The following STAM variants were observed in gnomAD, a reference collection of about 807,000 sequenced individuals.
STAM encodes the protein signal transducing adaptor molecule.
In STAM, 16 loss-of-function variants were observed where a neutral mutation model predicts 63.4. The ratio of observed to expected loss-of-function variants is 0.25; its 90% CI spans 0.17 to 0.38. The LOEUF (loss-of-function observed/expected upper bound fraction) is 0.38, where lower values mean the gene tolerates loss of function less well. Among genes scored for constraint, STAM ranks in the 10% least tolerant of loss-of-function variants. The probability of loss-of-function intolerance (pLI) is 1.00; values close to 1 mark genes in which losing one functional copy is unlikely to be tolerated. For synonymous variants in STAM, 238 were observed against 223.9 expected (o/e 1.06, Z -0.56); for missense variants, 636 against 657.1 (o/e 0.97, Z 0.35).
intron 1 of STAM, among the ~76,000 whole-genome samples, chr10:17,650,402 A>T (rs962979655): frequency 2.0e-5 from 3 of 152,240 alleles, no homozygotes; most frequent in African/African-American, 4.8e-5. Flanking sequence ...ATAGGCTTCA[A>T]ATATCTCAAG....
At chr10:17,673,673 C>A (rs61842298) in intron 2 of STAM, among the ~76,000 whole-genome samples, 15,127 of 152,210 alleles carry the variant, frequency 0.099, 806 homozygotes, top group Middle Eastern at 0.16. Flanking sequence ...GAGAAAAACC[C>A]CGCAAACCAA....
intron 1 of STAM, among the ~76,000 whole-genome samples, chr10:17,659,589 C>G (rs1834081908): frequency 6.6e-6 from 1 of 150,878 alleles, no homozygotes; most frequent in Admixed American, 6.6e-5. Context: ...CCACTTCAGC[C>G]TTCTCGGTAG....
chr10:17,673,176 G>T (rs907756036), intron 2 of STAM: 1 of 287,064 alleles, frequency 3.5e-6, no homozygotes, highest in Non-Finnish European at 5.2e-6. Context: ...ATTGCCACCC[G>T]TCTCTTCTCA....
intron 2 of STAM, among the ~76,000 whole-genome samples, chr10:17,680,286 A>G (rs1460781934): frequency 3.9e-5 from 6 of 152,166 alleles, no homozygotes; most frequent in African/African-American, 7.2e-5. Flanking sequence ...TCTAGTCCCC[A>G]TCTACCTCCA....
At chr10:17,664,099 A>G (rs1356153771) in intron 2 of STAM, among the ~76,000 whole-genome samples, 2 of 152,094 alleles carry the variant, frequency 1.3e-5, no homozygotes, top group Non-Finnish European at 2.9e-5. Context: ...ATTTACGTGT[A>G]CTTCCAAAAT....
intron 12 of STAM, among the ~76,000 whole-genome samples, chr10:17,708,194 T>C (rs920537933): frequency 1.3e-5 from 2 of 152,210 alleles, no homozygotes; most frequent in Non-Finnish European, 2.9e-5. Context: ...CTGGCGGCTT[T>C]AAATAAACTT....
At chr10:17,702,175 G>A (rs1219624759) in intron 9 of STAM, among the ~76,000 whole-genome samples, 1 of 152,080 alleles carries the variant, frequency 6.6e-6, no homozygotes, top group African/African-American at 2.4e-5. Flanking sequence ...AGTTAATGTT[G>A]TTTTGACCCT....
intron 2 of STAM, among the ~76,000 whole-genome samples, chr10:17,661,426 C>A (rs1238672812): frequency 6.6e-6 from 1 of 152,182 alleles, no homozygotes; most frequent in African/African-American, 2.4e-5. Flanking sequence ...TTCCCTGATT[C>A]ATTTTTTATT....
rs1836812328 is a variant in STAM, at chr10:17,716,288, A to C, written c.*1508A>C. On this transcript the variant is annotated 3_prime_UTR_variant, in exon 14 of 14. Coordinates refer to ENST00000377524, the MANE Select transcript of STAM (RefSeq NM_003473.4). Reference sequence around the variant, plus strand: ...TTGTTTATTTTCTTTTTGAGAGAAGATTAAATCTTTAGCCAGTAATCTTAA... The same window carrying C: ...TTGTTTATTTTCTTTTTGAGAGAAGCTTAAATCTTTAGCCAGTAATCTTAA... 6.6e-6 allele frequency among the ~76,000 whole-genome samples: 1 copy of C among 152,028 alleles called. No homozygotes were observed. The highest frequency in any genetic ancestry group is 2.4e-5 in the African/African-American group (1 of 41,432).
At chr10:17,705,846 T>C in intron 12 of STAM, 105 bp downstream of exon 12, 1 of 1,078,484 alleles carries the variant, frequency 9.3e-7, no homozygotes, top group South Asian at 1.7e-5. Flanking sequence ...GGCAAGAGGA[T>C]TGCTTGAGAC....
chr10:17,691,370 T>G (rs1254525401), intron 5 of STAM, among the ~76,000 whole-genome samples: 1 of 152,048 alleles, frequency 6.6e-6, no homozygotes, highest in African/African-American at 2.4e-5. Flanking sequence ...TACAAAAAAT[T>G]AGCCAGGCGT....
At chr10:17,678,007 C>T (rs782094943) in intron 2 of STAM, among the ~76,000 whole-genome samples, 2 of 152,092 alleles carry the variant, frequency 1.3e-5, no homozygotes, top group Non-Finnish European at 2.9e-5. Context: ...TCAAATTTAC[C>T]ATTTTAGAAT....
intron 1 of STAM, among the ~76,000 whole-genome samples, chr10:17,652,485 G>A (rs1467313295): frequency 1.3e-5 from 2 of 152,092 alleles, no homozygotes; most frequent in Non-Finnish European, 2.9e-5. Context: ...TATGTTCCTG[G>A]ATGTATCATT....
intron 1 of STAM, among the ~76,000 whole-genome samples, chr10:17,652,963 G>A (rs917109626): frequency 1.3e-5 from 2 of 152,142 alleles, no homozygotes; most frequent in Admixed American, 1.3e-4. Flanking sequence ...TTTCCTAGGA[G>A]ACAGCCTCTA....
chr10:17,646,432 A>G (rs1392847811), intron 1 of STAM, among the ~76,000 whole-genome samples: 1 of 152,166 alleles, frequency 6.6e-6, no homozygotes, highest in Non-Finnish European at 1.5e-5. Flanking sequence ...CCTTCTTACA[A>G]AATCCTCTAA....
At chr10:17,653,938 A>G (rs1235973703) in intron 1 of STAM, among the ~76,000 whole-genome samples, 4 of 152,288 alleles carry the variant, frequency 2.6e-5, no homozygotes, top group South Asian at 2.1e-4. Flanking sequence ...AGTACTTTCT[A>G]TGTGAGTTGC....
At chr10:17,686,230 T>G (rs1296281246) in intron 4 of STAM, among the ~76,000 whole-genome samples, 1 of 152,194 alleles carries the variant, frequency 6.6e-6, no homozygotes, top group Non-Finnish European at 1.5e-5. Context: ...TTTTTTGTAA[T>G]GTAGGTGAAA....
intron 2 of STAM, among the ~76,000 whole-genome samples, chr10:17,664,309 T>C (rs1319091023): frequency 1.3e-5 from 2 of 152,076 alleles, no homozygotes; most frequent in Non-Finnish European, 1.5e-5. Context: ...AAATTAACTA[T>C]TTTAAAGTGT....
intron 2 of STAM, among the ~76,000 whole-genome samples, chr10:17,678,169 A>G (rs539096641): frequency 2.0e-5 from 3 of 152,084 alleles, no homozygotes; most frequent in African/African-American, 7.2e-5. Context: ...TCTACTTTCT[A>G]TCTGTGTGGA....
Sources: gnomAD v4.1 joint callset for allele counts (sites outside exome capture counted in the v4.1 genomes callset) on GRCh38, gnomAD v4.1.1 for gene constraint, MANE v1.5 for transcripts, NCBI Gene and HGNC (gene_info 2026-07-23, HGNC 2026-07-21) for gene names.